Variants in DST observed in about 807,000 individuals in gnomAD.
DST encodes the protein bullous pemphigoid antigen.
DST carries 253 observed loss-of-function variants against 875.2 expected under a neutral mutation model. That is an observed-to-expected ratio of 0.29 (90% confidence interval 0.26 to 0.32). The LOEUF (loss-of-function observed/expected upper bound fraction) is 0.32, where lower values mean the gene tolerates loss of function less well. Among genes scored for constraint, DST ranks in the 10% least tolerant of loss-of-function variants. The pLI is 1.00. For missense variants in DST, 8,287 were observed against 9,111.6 expected, an observed-to-expected ratio of 0.91 and a Z score of 3.68; for synonymous variants, 3,124 against 3,197.1, an observed-to-expected ratio of 0.98 and a Z score of 0.77.
At chr6:56,743,603 T>C (rs1269756241) in intron 4 of DST, among the ~76,000 whole-genome samples, 1 of 152,122 alleles carries the variant, frequency 6.6e-6, no homozygotes, top group Non-Finnish European at 1.5e-5. Context: ...AGAGCACTTA[T>C]TATTTGCCAG....
chr6:56,624,811 C>A (rs1281756059), intron 35 of DST, among the ~76,000 whole-genome samples, 183 bp from the exon 36 acceptor site: 4 of 152,094 alleles, frequency 2.6e-5, no homozygotes, highest in African/African-American at 9.7e-5. Flanking sequence ...AATGATAATT[C>A]TCTTCTAAAT....
At chr6:56,696,523 C>T (rs917582683) in intron 9 of DST, among the ~76,000 whole-genome samples, 1 of 152,068 alleles carries the variant, frequency 6.6e-6, no homozygotes, top group East Asian at 1.9e-4. Flanking sequence ...GGCAGCTGAA[C>T]CCCAAAGGGC....
At chr6:56,672,646 A>C (rs2099107586) in intron 9 of DST, among the ~76,000 whole-genome samples, 1 of 152,152 alleles carries the variant, frequency 6.6e-6, no homozygotes, top group East Asian at 1.9e-4. Flanking sequence ...AAGTTACTTA[A>C]CTGCTTTAAG....
intron 2 of DST, among the ~76,000 whole-genome samples, chr6:56,910,111 T>C (rs115785830): frequency 1.3e-5 from 2 of 152,108 alleles, no homozygotes; most frequent in Non-Finnish European, 2.9e-5. Flanking sequence ...GTCCCTGGAG[T>C]TATGATGACA....
chr6:56,619,379 T>G, intron 36 of DST: 1 of 1,613,628 alleles, frequency 6.2e-7, no homozygotes, highest in Non-Finnish European at 8.5e-7. Context: ...GATTTTATCA[T>G]TATTTTCTTT....
At chr6:56,872,666 T>G (rs1025093849) in intron 3 of DST, among the ~76,000 whole-genome samples, 2 of 152,112 alleles carry the variant, frequency 1.3e-5, no homozygotes, top group Non-Finnish European at 1.5e-5. Flanking sequence ...CTCAGGCCAA[T>G]GGAAAAAGAG....
chr6:56,838,991 T>C (rs1327204057), intron 4 of DST, among the ~76,000 whole-genome samples: 3 of 152,250 alleles, frequency 2.0e-5, no homozygotes, highest in Non-Finnish European at 2.9e-5. Context: ...ACACTGCTGA[T>C]TGCAAAACCA....
chr6:56,838,121 A>C (rs1376049289), intron 4 of DST, among the ~76,000 whole-genome samples: 1 of 152,176 alleles, frequency 6.6e-6, no homozygotes, highest in Non-Finnish European at 1.5e-5. Context: ...CATGAAACAG[A>C]AGCATCTGTG....
rs1266889501 is a variant in DST at position 56,604,724 on chromosome 6, T to C, written c.9904A>G (p.Asn3302Asp). Reference sequence around the variant, plus strand: ...TCAGTATTTAAAGTGTTACTGGAGTTATCATTTCCTAATCCATTTGCACAC... The same window carrying C: ...TCAGTATTTAAAGTGTTACTGGAGTCATCATTTCCTAATCCATTTGCACAC... ...ERCANGLGNDNSSNTLNTDYS... is the reference protein window; with the variant it reads ...ERCANGLGNDDSSNTLNTDYS... Residue 3302 changes from asparagine to aspartate, a missense_variant, in exon 40 of 104, where the codon AAC (asparagine) becomes GAC (aspartate). Physicochemically the swap from Asn to Asp is conservative, Grantham distance 23. This residue lies in a region of DST where 3,138 missense variants were observed against 3,116.6 expected (regional missense o/e 1.01). Coordinates refer to ENST00000680361, the MANE Select transcript of DST (RefSeq NM_001374736.1). 1 of 1,612,592 alleles carries C rather than the reference T, an allele frequency of 6.2e-7. No homozygotes were observed. Among genetic ancestry groups the C allele is most frequent in the East Asian group, 2.2e-5 (1 of 44,852 alleles).
intron 4 of DST, among the ~76,000 whole-genome samples, chr6:56,805,417 A>G (rs973250455): frequency 6.6e-6 from 1 of 152,180 alleles, no homozygotes; most frequent in African/African-American, 2.4e-5. Flanking sequence ...GAGTCAAAAT[A>G]CTATCCCTGA....
intron 9 of DST, among the ~76,000 whole-genome samples, chr6:56,680,463 C>A (rs1274054925): frequency 6.6e-6 from 1 of 152,200 alleles, no homozygotes; most frequent in Non-Finnish European, 1.5e-5. Flanking sequence ...GTTATACAAC[C>A]ATCCTCATGG....
chr6:56,735,556 T>TCACCACCACCAC (rs138864657), intron 4 of DST, among the ~76,000 whole-genome samples: 9 of 151,284 alleles, frequency 5.9e-5, no homozygotes, highest in East Asian at 1.9e-4. Context: ...TAACCCCTCA[T>TCACCACCACCAC]CACCACCACC....
chr6:56,663,305 A>G lies in DST; in HGVS notation c.1214+7336T>C, dbSNP rs189140201. Among the ~76,000 whole-genome samples the G allele has an allele frequency of 3.3e-5, 5 of 152,338 alleles. No homozygotes were observed. In the East Asian group the frequency reaches 9.6e-4, roughly 29 times the overall value. Reference sequence around the variant, plus strand: ...CCATTTCTGTTCTCAAAGTTCAATCATTTTGAGTTCACTTGGCAAGGTAAA... The same window carrying G: ...CCATTTCTGTTCTCAAAGTTCAATCGTTTTGAGTTCACTTGGCAAGGTAAA... On this transcript the variant is annotated intron_variant, in intron 10 of 103. Transcript: ENST00000680361.
chr6:56,795,285 G>A (rs2099737790), intron 4 of DST, among the ~76,000 whole-genome samples: 1 of 151,922 alleles, frequency 6.6e-6, no homozygotes, highest in South Asian at 2.1e-4. Context: ...TGAAAGGGAT[G>A]GAAGATCAAA....
chr6:56,794,122 G>T (rs938795150), intron 4 of DST, among the ~76,000 whole-genome samples: 1 of 152,170 alleles, frequency 6.6e-6, no homozygotes, highest in African/African-American at 2.4e-5. Flanking sequence ...ATTGCAGCAT[G>T]ATCTGCCACC....
At chr6:56,611,400 G>T in intron 38 of DST, 108 bp downstream of exon 38, 1 of 715,224 alleles carries the variant, frequency 1.4e-6, no homozygotes. Context: ...TGATTAGTTT[G>T]AGTCCCATAT....
chr6:56,658,431 T>C (rs141334686), intron 10 of DST, among the ~76,000 whole-genome samples: 196 of 152,214 alleles, frequency 1.3e-3, no homozygotes, highest in Non-Finnish European at 2.4e-3. Flanking sequence ...GTACAGAGCA[T>C]CTGGAAATGT....
chr6:56,679,597 A>AT (rs1317174089), intron 9 of DST, among the ~76,000 whole-genome samples: 1 of 133,742 alleles, frequency 7.5e-6, no homozygotes, highest in Non-Finnish European at 1.5e-5. Flanking sequence ...ACTATGTCTC[A>AT]TTAAAAAAAA....
chr6:56,488,925 A>T (rs947256744), intron 86 of DST, among the ~76,000 whole-genome samples: 1 of 152,190 alleles, frequency 6.6e-6, no homozygotes, highest in Non-Finnish European at 1.5e-5. Flanking sequence ...TATTTAAAAA[A>T]CAATGTTTCT....
Sources: gnomAD v4.1 joint callset for allele counts (sites outside exome capture counted in the v4.1 genomes callset) on GRCh38, gnomAD v4.1.1 for gene constraint, gnomAD v4.1.1 regional missense constraint, MANE v1.5 for transcripts, NCBI Gene and HGNC (gene_info 2026-07-23, HGNC 2026-07-21) for gene names.